The following PFKFB2 variants were observed in gnomAD, a reference collection of about 807,000 sequenced individuals.
PFKFB2 encodes the protein 6-phosphofructo-2-kinase/fructose-2,6-biphosphatase 2, also known as 6-phosphofructo-2-kinase/fructose-2,6-bisphosphatase 2.
PFKFB2 carries 53 observed loss-of-function variants against 68.0 expected under a neutral mutation model. The ratio of observed to expected loss-of-function variants is 0.78; its 90% confidence interval spans 0.63 to 0.98. The LOEUF (loss-of-function observed/expected upper bound fraction) is 0.98. Among genes scored for constraint, PFKFB2 ranks in the 50% least tolerant of loss-of-function variants. The pLI, the probability that PFKFB2 is intolerant of heterozygous loss-of-function variation, is 0.00. For missense variants in PFKFB2, 451 were observed against 642.0 expected, an observed-to-expected ratio of 0.70 and a Z score of 3.22; for synonymous variants, 222 against 227.6, an observed-to-expected ratio of 0.98 and a Z score of 0.22.
rs1558067629 is a variant in PFKFB2 at position 207,074,334 on chromosome 1, G to A, written c.*1963G>A. 1.0e-6 allele frequency: 1 copy of A among 985,438 alleles called. No individual in the cohort carries two copies. Among genetic ancestry groups the A allele is most frequent in the African/African-American group, 1.7e-5 (1 of 57,350 alleles). The allele number at this position is 985,438 out of a possible 1,614,324, so 61.0% of individuals were successfully genotyped here. A position where few individuals can be genotyped will look rare whatever the true frequency, so the allele number is the denominator to read the frequency against. On this transcript the variant is annotated 3_prime_UTR_variant, in exon 15 of 15. Coordinates refer to ENST00000367080, the MANE Select transcript of PFKFB2 (RefSeq NM_006212.2). The stretch of plus-strand genomic sequence containing the variant: ...GATATAACCCCCTGGAAGGCAGGCT[G>A]CTGTGTTTTAGAGGGTTATTCTAGG...
At chr1:207,069,850 G>A (rs892092427) in intron 11 of PFKFB2, among the ~76,000 whole-genome samples, 1 of 152,120 alleles carries the variant, frequency 6.6e-6, no homozygotes, top group African/African-American at 2.4e-5. Flanking sequence ...TATGGGATAG[G>A]AATTATTTCC....
chr1:207,071,257 A>T lies in PFKFB2; in HGVS notation c.1285+7A>T, dbSNP rs1169638342. Reference sequence around the variant, plus strand: ...CTTACTCCTGTGGCCTATGGTAACTATGCACATAGGGGCTGGCAGGAGCTG... The same window carrying T: ...CTTACTCCTGTGGCCTATGGTAACTTTGCACATAGGGGCTGGCAGGAGCTG... On this transcript the variant is annotated splice_region_variant and intron_variant, in intron 13 of 14. Transcript: ENST00000367080. 6.2e-7 allele frequency: 1 copy of T among 1,606,482 alleles called. No individual in the cohort carries two copies. The highest frequency in any genetic ancestry group is 1.7e-5 in the Admixed American group (1 of 60,008).
chr1:207,041,466 TGA>T (rs1682479762), intron 1 of PFKFB2, among the ~76,000 whole-genome samples: 1 of 152,152 alleles, frequency 6.6e-6, no homozygotes, highest in South Asian at 2.1e-4. Flanking sequence ...CTCCCACTTA[TGA>T]GTGAGAACAT....
Position 207,044,862 on chromosome 1 carries a change from T to C in PFKFB2, c.-18+2650T>C, listed in dbSNP as rs568123914. On this transcript the variant is annotated intron_variant, in intron 2 of 5. Coordinates refer to the PFKFB2 transcript ENST00000545806. ...GAGGGGGTTACCAACCTCCTTTAAA[T>C]GTGTATGAATCAAGACCTAAATCAG... 5 of 152,606 alleles carry C rather than the reference T, an allele frequency of 3.3e-5. No homozygotes were observed. In the South Asian group the frequency reaches 1.0e-3, roughly 32 times the overall value. The allele number at this position is 152,606 out of a possible 1,614,324, so 9.5% of individuals were successfully genotyped here.
chr1:207,047,161 T>C (rs1291830084), intron 2 of PFKFB2: 3 of 152,560 alleles, frequency 2.0e-5, no homozygotes. Flanking sequence ...GAACACATTA[T>C]GATTGCCAAA....
At chr1:207,056,736 C>T (rs1682933566) in intron 2 of PFKFB2, among the ~76,000 whole-genome samples, 1 of 152,090 alleles carries the variant, frequency 6.6e-6, no homozygotes, top group African/African-American at 2.4e-5. Flanking sequence ...CCTAAAGCCA[C>T]TGTGATTTAT....
chr1:207,061,867 T>C (rs1477103193), intron 2 of PFKFB2, 86 bp from the exon 3 acceptor site: 14 of 1,176,328 alleles, frequency 1.2e-5, no homozygotes, highest in Non-Finnish European at 1.6e-5. Context: ...GGTGACAGAG[T>C]GAGACTCCGT....
Position 207,072,354 on chromosome 1 carries a change from C to G in PFKFB2, c.1501C>G (p.Gln501Glu). The change falls in exon 15 of 15, where the codon CAA becomes GAA. Residue 501 changes from glutamine to glutamate, a missense_variant. By Grantham distance (29) the Gln-to-Glu change is conservative (BLOSUM62 2). Transcript: ENST00000367080. The part of the protein sequence containing the change: ...PLSPLRAQDM[Q>E]EGAD The stretch of plus-strand genomic sequence containing the variant: ...CAGCCCTCTCCGTGCCCAGGACATG[C>G]AAGAAGGGGCCGACTAGCCGAAGAC... 6.2e-7 allele frequency: 1 copy of G among 1,613,162 alleles called. No individual in the cohort carries two copies.
downstream of PFKFB2, chr1:207,080,778 T>C (rs1016281970): frequency 6.6e-6 from 1 of 152,052 alleles, no homozygotes; most frequent in African/African-American, 2.4e-5. Flanking sequence ...TAATGTCATA[T>C]TAACTTAAGT....
At chr1:207,080,189 A>G (rs917917583), downstream of PFKFB2, 3 of 152,164 alleles carry the variant, frequency 2.0e-5, no homozygotes, top group Non-Finnish European at 4.4e-5. Flanking sequence ...GAAGGAGAGT[A>G]TGGAATCCCC....
upstream of PFKFB2, chr1:207,048,756 G>A (rs1442614135): frequency 1.6e-5 from 7 of 429,116 alleles, no homozygotes; most frequent in Non-Finnish European, 2.5e-5. Context: ...TCAGGTCAGT[G>A]TCAGTAGGTG....
At chr1:207,057,302 C>CAAAAAAAAAAAAAAA (rs748726221) in intron 2 of PFKFB2, among the ~76,000 whole-genome samples, 1 of 40,386 alleles carries the variant, frequency 2.5e-5, no homozygotes, top group Non-Finnish European at 5.0e-5. Context: ...AAAAAAACTA[C>CAAAAAAAAAAAAAAA]AAAAAAAAAA....
chr1:207,053,457 G>T (rs1160086054), intron 1 of PFKFB2, 91 bp downstream of exon 1: 1 of 152,928 alleles, frequency 6.5e-6, no homozygotes, highest in African/African-American at 2.4e-5. Context: ...GAGAGGTGCT[G>T]GTCCCCAGGC....
chr1:207,053,057 G>C (rs1281839374), upstream of PFKFB2: 1 of 152,206 alleles, frequency 6.6e-6, no homozygotes, highest in Non-Finnish European at 1.5e-5. Flanking sequence ...AAGCAACAGT[G>C]CCACCAGGCT....
chr1:207,052,011 A>C (rs1682764631), upstream of PFKFB2, among the ~76,000 whole-genome samples: 1 of 152,232 alleles, frequency 6.6e-6, no homozygotes, highest in Admixed American at 6.5e-5. Flanking sequence ...GCGAAGGAGG[A>C]ATAAAGACAT....
At chr1:207,050,831 G>A, upstream of PFKFB2, 1 of 1,613,094 alleles carries the variant, frequency 6.2e-7, no homozygotes, top group Non-Finnish European at 8.5e-7. Context: ...CCGCACCCGG[G>A]TCCGGCTGGA....
At position 207,074,604 on chromosome 1, in the gene PFKFB2, A is replaced by C; in HGVS notation, c.*2233A>C. Reference sequence around the variant, plus strand: ...GCTGCTTACCTAGATTCTTCTCAAAATTGTGTCCAAGATGTTAAGTAACCT... The same window carrying C: ...GCTGCTTACCTAGATTCTTCTCAAACTTGTGTCCAAGATGTTAAGTAACCT... On this transcript the variant is annotated 3_prime_UTR_variant, in exon 15 of 15. Coordinates refer to ENST00000367080, the MANE Select transcript of PFKFB2 (RefSeq NM_006212.2). The C allele has an allele frequency of 1.0e-6, 1 of 985,382 alleles. No individual in the cohort carries two copies. Among genetic ancestry groups the C allele is most frequent in the South Asian group, 4.7e-5 (1 of 21,286 alleles). 61.0% of individuals were successfully genotyped at this position (985,382 alleles called of 1,614,324 possible). A position where few individuals can be genotyped will look rare whatever the true frequency, so the allele number is the denominator to read the frequency against.
intron 8 of PFKFB2, among the ~76,000 whole-genome samples, chr1:207,066,992 C>T (rs1558062805): frequency 6.6e-6 from 1 of 152,138 alleles, no homozygotes; most frequent in Non-Finnish European, 1.5e-5. Flanking sequence ...TCATGTTGGC[C>T]TCAAAGCAAG....
chr1:207,072,218 G>T lies in PFKFB2; in HGVS notation c.1365G>T (p.Lys455Asn), dbSNP rs769816758. The T allele has an allele frequency of 1.2e-6, 2 of 1,613,640 alleles. No homozygotes were observed. The highest frequency in any genetic ancestry group is 1.7e-6 in the Non-Finnish European group (2 of 1,179,880). ...HRDKPTNNFP[K>N]NQTPVRMRRN... is the part of the protein sequence containing the mutation. ...TTTCCAATCAGAACAACTTCCCCAAGAACCAAACCCCTGTAAGGATGAGAA... is the reference window on the plus strand; with the variant it reads ...TTTCCAATCAGAACAACTTCCCCAATAACCAAACCCCTGTAAGGATGAGAA... Residue 455 changes from lysine to asparagine, a missense_variant, in exon 15 of 15, where the codon AAG becomes AAT. Coordinates refer to ENST00000367080, the MANE Select transcript of PFKFB2 (RefSeq NM_006212.2).
Sources: allele counts gnomAD v4.1 joint callset (sites outside exome capture counted in the v4.1 genomes callset), GRCh38; gene constraint gnomAD v4.1.1; transcripts MANE v1.5; gene names NCBI Gene and HGNC (gene_info 2026-07-23, HGNC 2026-07-21).